Variants in PCDH11X observed in about 807,000 individuals in gnomAD.
PCDH11X encodes the protein protocadherin 11 X-linked.
In PCDH11X, 18 loss-of-function variants were observed where a neutral mutation model predicts 53.3. That is an observed-to-expected ratio of 0.34 (90% CI 0.23 to 0.50). The LOEUF (loss-of-function observed/expected upper bound fraction) is 0.50. Among genes scored for constraint, PCDH11X ranks in the 20% least tolerant of loss-of-function variants. The pLI is 0.98. For synonymous variants in PCDH11X, 279 were observed against 393.3 expected, an observed-to-expected ratio of 0.71 and a Z score of 3.44; for missense variants, 570 against 1,032.4, an observed-to-expected ratio of 0.55 and a Z score of 6.14.
chrX:92,350,434 T>C (rs748869123), intron 8 of PCDH11X, among the ~76,000 whole-genome samples: 188 of 111,567 alleles, frequency 1.7e-3, no homozygotes, highest in African/African-American at 5.7e-3. Context: ...CTTGATGTAG[T>C]AGTCTCCCCT....
intron 6 of PCDH11X, among the ~76,000 whole-genome samples, chrX:92,007,868 G>A (rs1478243286): frequency 2.7e-5 from 3 of 111,031 alleles, no homozygotes; most frequent in African/African-American, 9.8e-5. Context: ...GACGATAAAA[G>A]CTGGCAGGAA....
At chrX:92,042,720 C>T (rs1416585291) in intron 6 of PCDH11X, among the ~76,000 whole-genome samples, 1 of 96,243 alleles carries the variant, frequency 1.0e-5, no homozygotes, top group Non-Finnish European at 2.0e-5. Context: ...CTCATGCAAC[C>T]TACACCTCCC....
chrX:91,825,633 C>T (rs1489748501), intron 4 of PCDH11X, among the ~76,000 whole-genome samples: 1 of 110,302 alleles, frequency 9.1e-6, no homozygotes, highest in Non-Finnish European at 1.9e-5. Context: ...AATCACCTGT[C>T]TTCTGCGTCG....
chrX:92,306,811 G>A lies in PCDH11X; in HGVS notation c.3144+43668G>A, dbSNP rs1187044742. Among the ~76,000 whole-genome samples, 5 of 110,537 alleles carry A rather than the reference G, an allele frequency of 4.5e-5. No homozygotes were observed. In the South Asian group the frequency reaches 1.9e-3, roughly 43 times the overall value. On this transcript the variant is annotated intron_variant, in intron 8 of 10. Transcript: ENST00000682573. The stretch of plus-strand genomic sequence containing the variant: ...ACACACACACACAAATTAGCCGAGC[G>A]TGGTCGTGCGTGCCTGTAATCCCAG...
intron 7 of PCDH11X, among the ~76,000 whole-genome samples, chrX:92,258,586 C>T (rs2067647879): frequency 9.0e-6 from 1 of 110,574 alleles, no homozygotes; most frequent in Non-Finnish European, 1.9e-5. Flanking sequence ...CCAGGATGGT[C>T]TCAATCTCCT....
At chrX:92,587,660 G>A (rs745645625) in intron 10 of PCDH11X, among the ~76,000 whole-genome samples, 2,113 of 109,468 alleles carry the variant, frequency 0.019, 64 homozygotes, top group African/African-American at 0.066. Context: ...TCGATATACT[G>A]TAATTTTTTC....
At chrX:92,572,711 C>A (rs1922348561) in intron 10 of PCDH11X, among the ~76,000 whole-genome samples, 1 of 100,866 alleles carries the variant, frequency 9.9e-6, no homozygotes, top group Admixed American at 1.1e-4. Flanking sequence ...TAGGGAAACC[C>A]TGTATGTACT....
intron 8 of PCDH11X, among the ~76,000 whole-genome samples, chrX:92,358,607 T>G (rs1387990507): frequency 9.5e-6 from 1 of 104,863 alleles, no homozygotes; most frequent in African/African-American, 3.5e-5. Flanking sequence ...TAACCCGGTT[T>G]GTACTGTGAC....
intron 6 of PCDH11X, among the ~76,000 whole-genome samples, chrX:91,943,244 T>G (rs2147858821): frequency 9.8e-6 from 1 of 101,954 alleles, no homozygotes; most frequent in South Asian, 4.9e-4. Flanking sequence ...TGAACCCAAA[T>G]GCAAACTATG....
intron 6 of PCDH11X, among the ~76,000 whole-genome samples, chrX:92,152,788 TATGTATG>T (rs1243204226): frequency 1.2e-3 from 124 of 105,722 alleles, no homozygotes; most frequent in East Asian, 3.0e-3. Context: ...TGTATGTATG[TATGTATG>T]TATTTATTTA....
chrX:92,081,350 A>G (rs73630157), intron 6 of PCDH11X, among the ~76,000 whole-genome samples: 4,239 of 110,176 alleles, frequency 0.038, 206 homozygotes, highest in African/African-American at 0.13. Flanking sequence ...TGACTCCAAA[A>G]TGAAAACATG....
intron 10 of PCDH11X, among the ~76,000 whole-genome samples, chrX:92,540,412 G>C (rs188284662): frequency 9.3e-6 from 1 of 107,036 alleles, no homozygotes; most frequent in Admixed American, 1.0e-4. Context: ...TCTTCTAAGA[G>C]ATTGTAGTGA....
chrX:92,182,500 CA>C lies in PCDH11X; in HGVS notation c.3034-18874del, dbSNP rs775825559. Among the ~76,000 whole-genome samples, 389 of 111,006 alleles carry C rather than the reference CA, an allele frequency of 3.5e-3. 1 individual carries two copies. Among genetic ancestry groups the C allele is most frequent in the Non-Finnish European group, 5.5e-3 (289 of 52,985 alleles). ...TGAGAACATGAGGTTTGGAAGGGGC[CA>C]GGGGTGGAATGATATGGTTTGGTTG... On this transcript the variant is annotated intron_variant, in intron 6 of 10. Coordinates refer to ENST00000682573, the MANE Select transcript of PCDH11X (RefSeq NM_032968.5).
chrX:92,132,069 C>T (rs1296030159), intron 6 of PCDH11X, among the ~76,000 whole-genome samples: 1 of 93,492 alleles, frequency 1.1e-5, no homozygotes, highest in African/African-American at 4.0e-5. Flanking sequence ...GTCAGGCGTT[C>T]GAGACCAGCC....
intron 8 of PCDH11X, among the ~76,000 whole-genome samples, chrX:92,350,034 G>C (rs2522688): frequency 1.2e-4 from 13 of 110,897 alleles, no homozygotes; most frequent in Admixed American, 3.9e-4. Flanking sequence ...TGGCTCTAGC[G>C]ATACTGGCCT....
intron 5 of PCDH11X, among the ~76,000 whole-genome samples, chrX:91,874,922 A>G (rs1296942743): frequency 5.1e-5 from 5 of 97,312 alleles, no homozygotes; most frequent in Non-Finnish European, 1.0e-4. Flanking sequence ...CTCAGATCTT[A>G]TCCTGTTCTT....
intron 10 of PCDH11X, among the ~76,000 whole-genome samples, chrX:92,491,547 C>A (rs1042553399): frequency 9.0e-6 from 1 of 110,547 alleles, no homozygotes; most frequent in African/African-American, 3.3e-5. Flanking sequence ...ATTAACCTAC[C>A]CATCACATAC....
intron 8 of PCDH11X, among the ~76,000 whole-genome samples, chrX:92,293,516 C>T (rs1232257874): frequency 6.5e-5 from 7 of 107,521 alleles, no homozygotes; most frequent in African/African-American, 2.4e-4. Context: ...CCCAGCTACT[C>T]GGGAGGCTGA....
chrX:92,132,347 G>A (rs1230164473), intron 6 of PCDH11X, among the ~76,000 whole-genome samples: 3 of 83,431 alleles, frequency 3.6e-5, no homozygotes, highest in Admixed American at 3.2e-4. Flanking sequence ...GGCTCACGAC[G>A]CTTTTAATCC....
Sources: gnomAD v4.1 joint callset for allele counts (sites outside exome capture counted in the v4.1 genomes callset) on GRCh38, gnomAD v4.1.1 for gene constraint, MANE v1.5 for transcripts, NCBI Gene and HGNC (gene_info 2026-07-23, HGNC 2026-07-21) for gene names.